The following BRIP1 variants were observed in gnomAD, a reference collection of about 807,000 sequenced individuals.
BRIP1 encodes BRCA1 interacting DNA helicase 1, also known as Fanconi anemia group J protein.
A neutral mutation model predicts 119.7 loss-of-function variants in BRIP1; 88 were observed. That is an observed-to-expected ratio of 0.74 (90% CI 0.62 to 0.88). BRIP1 has a LOEUF of 0.88. Among genes scored for constraint, BRIP1 ranks in the 40% least tolerant of loss-of-function variants. The pLI is 0.00. For synonymous variants in BRIP1, 443 were observed against 496.5 expected, an observed-to-expected ratio of 0.89 and a Z score of 1.43; for missense variants, 1,259 against 1,455.4, an observed-to-expected ratio of 0.87 and a Z score of 2.20.
At chr17:61,830,435 AG>A (rs1182528004) in intron 6 of BRIP1, among the ~76,000 whole-genome samples, 1 of 145,642 alleles carries the variant, frequency 6.9e-6, no homozygotes, top group Non-Finnish European at 1.5e-5. Flanking sequence ...TTCTAGATTA[AG>A]CAAAAAAAAG....
Position 61,824,192 on chromosome 17 carries a change from A to G in BRIP1, c.628-15435T>C, listed in dbSNP as rs566269057. ...ACAAGCCAAGGGCAGAATATCTTTT[A>G]AGTGCTGAAAGAAAGAAAATGTGAA... On this transcript the variant is annotated intron_variant, in intron 6 of 19. Coordinates refer to ENST00000259008, the MANE Select transcript of BRIP1 (RefSeq NM_032043.3). This position sits in a 1 kb window ranked among gnomAD's most constrained non-coding sequence, Gnocchi z 4.3. Among the ~76,000 whole-genome samples, 1 of 152,214 alleles carries G rather than the reference A, an allele frequency of 6.6e-6. No individual in the cohort carries two copies. Among genetic ancestry groups the G allele is most frequent in the Non-Finnish European group, 1.5e-5 (1 of 68,042 alleles).
At position 61,693,675 on chromosome 17, in the gene BRIP1, A is replaced by G. The variant is rs192441895; in HGVS notation, c.2493-163T>C. ...AGAAGCTATCCAACACAATGTAACA[A>G]ACTAGATGTATTAAAAATTCCCTAC... On this transcript the variant is annotated intron_variant, in intron 17 of 19. Transcript: ENST00000259008. This position sits in a 1 kb window ranked among gnomAD's most constrained non-coding sequence, Gnocchi z 4.2. 3.2e-4 allele frequency among the ~76,000 whole-genome samples: 49 copies of G among 152,332 alleles called. No individual in the cohort carries two copies. The highest frequency in any genetic ancestry group is 1.1e-3 in the African/African-American group (47 of 41,592).
intron 3 of BRIP1, among the ~76,000 whole-genome samples, chr17:61,859,413 C>A (rs1264045915): frequency 1.3e-5 from 2 of 152,084 alleles, no homozygotes; most frequent in East Asian, 1.9e-4. Context: ...CTCTCTGCAA[C>A]CTCGACCTCC....
rs1434360143 is a variant in BRIP1 at position 61,708,295 on chromosome 17, C to T, written c.2492+7656G>A. 2.0e-5 allele frequency among the ~76,000 whole-genome samples: 3 copies of T among 152,178 alleles called. No individual in the cohort carries two copies. The highest frequency in any genetic ancestry group is 6.5e-5 in the Admixed American group (1 of 15,268). ...TAAAAATGCATGCCCTTCTGAGTTGCATGATAAAAATCTCATGCTGTCCCA... is the reference window on the plus strand; with the variant it reads ...TAAAAATGCATGCCCTTCTGAGTTGTATGATAAAAATCTCATGCTGTCCCA... On this transcript the variant is annotated intron_variant, in intron 17 of 19. Transcript: ENST00000259008. The surrounding 1 kb of genome is among the most constrained non-coding windows in gnomAD (Gnocchi z 4.4).
At chr17:61,830,478 T>A (rs2078477651) in intron 6 of BRIP1, among the ~76,000 whole-genome samples, 1 of 151,886 alleles carries the variant, frequency 6.6e-6, no homozygotes, top group Admixed American at 6.6e-5. Flanking sequence ...ATTATGAATA[T>A]CAGAAATGAA....
chr17:61,838,955 T>A (rs2145681633), intron 6 of BRIP1, among the ~76,000 whole-genome samples: 1 of 152,182 alleles, frequency 6.6e-6, no homozygotes, highest in South Asian at 2.1e-4. Flanking sequence ...TCTTCTACTT[T>A]TCATGAAACC....
rs2061303537 is a variant in BRIP1, at chr17:61,683,520, T to C, written c.3526A>G (p.Ile1176Val). ...LAKDLFEIRT[I>V]KEVDSAREVK... ...TCTCTGGCTGAATCTACTTCTTTTA[T>C]AGTTCTAATTTCAAAAAGGTCTTTA... The change falls in exon 20 of 20, where the codon ATA becomes GTA. Residue 1176 changes from isoleucine (I) to valine (V), a missense_variant. Ile to Val is a conservative substitution (Grantham distance 29). Coordinates refer to ENST00000259008, the MANE Select transcript of BRIP1 (RefSeq NM_032043.3). This position sits in a 1 kb window ranked among gnomAD's most constrained non-coding sequence, Gnocchi z 4.7. 3 of 1,613,596 alleles carry C rather than the reference T, an allele frequency of 1.9e-6. No homozygotes were observed. The highest frequency in any genetic ancestry group is 2.5e-6 in the Non-Finnish European group (3 of 1,179,938).
At chr17:61,786,409 T>C (rs951794495) in intron 10 of BRIP1, among the ~76,000 whole-genome samples, 6 of 151,844 alleles carry the variant, frequency 4.0e-5, no homozygotes, top group African/African-American at 1.5e-4. Flanking sequence ...AAAGTGAGAA[T>C]TGGGATTGAG....
chr17:61,707,731 G>T (rs907801676), intron 17 of BRIP1, among the ~76,000 whole-genome samples: 9 of 151,914 alleles, frequency 5.9e-5, no homozygotes, highest in Admixed American at 5.2e-4. Flanking sequence ...TGGATATTAA[G>T]ATTTTTTTTT....
At chr17:61,718,974 G>A (rs1200050921) in intron 16 of BRIP1, among the ~76,000 whole-genome samples, 3 of 151,980 alleles carry the variant, frequency 2.0e-5, no homozygotes, top group Non-Finnish European at 4.4e-5. Flanking sequence ...TAGTGTTTAG[G>A]GAATAATGAC....
In BRIP1 at chr17:61,742,882, T is replaced by C; in HGVS notation, c.2379+131A>G. ...CTGAAAGACTTGCACAATGCAGGGT[T>C]ACCATAAACCTTCAATTTGTAAAAA... is the stretch of plus-strand genomic sequence containing the variant. On this transcript the variant is annotated intron_variant, in intron 16 of 19. Coordinates refer to ENST00000259008, the MANE Select transcript of BRIP1 (RefSeq NM_032043.3). The surrounding 1 kb of genome is among the most constrained non-coding windows in gnomAD (Gnocchi z 4.7). The C allele has an allele frequency of 8.6e-7, 1 of 1,160,836 alleles. No individual in the cohort carries two copies. Among genetic ancestry groups the C allele is most frequent in the South Asian group, 1.3e-5 (1 of 76,004 alleles). 71.9% of individuals were successfully genotyped at this position (1,160,836 alleles called of 1,614,324 possible).
rs2077136040 is a variant in BRIP1, at chr17:61,751,871, C to T, written c.2098-7280G>A. Among the ~76,000 whole-genome samples, 1 of 151,962 alleles carries T rather than the reference C, an allele frequency of 6.6e-6. No homozygotes were observed. The highest frequency in any genetic ancestry group is 2.4e-5 in the African/African-American group (1 of 41,370). ...GAAATCTCCGCCTCCTGAGTTCAAGCAATTCTCCTGTCCCAGCCTCCTGAG... is the reference window on the plus strand; with the variant it reads ...GAAATCTCCGCCTCCTGAGTTCAAGTAATTCTCCTGTCCCAGCCTCCTGAG... On this transcript the variant is annotated intron_variant, in intron 14 of 19. Coordinates refer to ENST00000259008, the MANE Select transcript of BRIP1 (RefSeq NM_032043.3). The surrounding 1 kb of genome is among the most constrained non-coding windows in gnomAD (Gnocchi z 6.7).
At position 61,814,870 on chromosome 17, in the gene BRIP1, T is replaced by A. The variant is rs74623868; in HGVS notation, c.628-6113A>T. On this transcript the variant is annotated intron_variant, in intron 6 of 19. Coordinates refer to ENST00000259008, the MANE Select transcript of BRIP1 (RefSeq NM_032043.3). The surrounding 1 kb of genome is among the most constrained non-coding windows in gnomAD (Gnocchi z 4.9). ...GCTCTTTCCAATCAATGGAATAATA[T>A]TATAATGAAAATATATGAATGACAG... 2.4e-3 allele frequency among the ~76,000 whole-genome samples: 359 copies of A among 152,150 alleles called. 2 individuals carry two copies. Among genetic ancestry groups the A allele is most frequent in the Middle Eastern group, 6.8e-3 (2 of 294 alleles).
In BRIP1 at chr17:61,682,420, T is replaced by C. The variant is rs1165357435; in HGVS notation, c.*876A>G. On this transcript the variant is annotated 3_prime_UTR_variant, in exon 20 of 20. Coordinates refer to ENST00000259008, the MANE Select transcript of BRIP1 (RefSeq NM_032043.3). The surrounding 1 kb of genome is among the most constrained non-coding windows in gnomAD (Gnocchi z 4.9). Reference sequence around the variant, plus strand: ...AGAATAGAAAATTTGGAATACTTCATTTGGCATTTTATATCTTTACGTCAA... The same window carrying C: ...AGAATAGAAAATTTGGAATACTTCACTTGGCATTTTATATCTTTACGTCAA... The C allele has an allele frequency of 2.0e-5, 4 of 205,090 alleles. No homozygotes were observed. The highest frequency in any genetic ancestry group is 4.0e-5 in the Non-Finnish European group (4 of 100,354). 12.7% of individuals were successfully genotyped at this position (205,090 alleles called of 1,614,324 possible).
At position 61,722,248 on chromosome 17, in the gene BRIP1, T is replaced by C. The variant is rs1382767633; in HGVS notation, c.2380-6185A>G. 6.6e-6 allele frequency among the ~76,000 whole-genome samples: 1 copy of C among 152,026 alleles called. No individual in the cohort carries two copies. The highest frequency in any genetic ancestry group is 1.5e-5 in the Non-Finnish European group (1 of 68,004). On this transcript the variant is annotated intron_variant, in intron 16 of 19. Coordinates refer to ENST00000259008, the MANE Select transcript of BRIP1 (RefSeq NM_032043.3). This position sits in a 1 kb window ranked among gnomAD's most constrained non-coding sequence, Gnocchi z 4.6. ...AGTAGAGAGGGGGGTTTCACTGTGT[T>C]AGCCAGGTGATCTTGATCTCCAGAC...
Position 61,806,375 on chromosome 17 carries a change from C to T in BRIP1, c.918+2092G>A, listed in dbSNP as rs1029272685. On this transcript the variant is annotated intron_variant, in intron 7 of 19. Transcript: ENST00000259008. The surrounding 1 kb of genome is among the most constrained non-coding windows in gnomAD (Gnocchi z 4.9). Reference sequence around the variant, plus strand: ...CAAGAAAGAGGATGTTCATGTATGCCCGTGAGGTAAGCATTCTGAGGCAGA... The same window carrying T: ...CAAGAAAGAGGATGTTCATGTATGCTCGTGAGGTAAGCATTCTGAGGCAGA... 6.6e-6 allele frequency among the ~76,000 whole-genome samples: 1 copy of T among 152,042 alleles called. No individual in the cohort carries two copies. The highest frequency in any genetic ancestry group is 2.4e-5 in the African/African-American group (1 of 41,416).
Position 61,853,846 on chromosome 17 carries a change from C to T in BRIP1, c.379+3212G>A, listed in dbSNP as rs1457595655. On this transcript the variant is annotated intron_variant, in intron 4 of 19. Transcript: ENST00000259008. This position sits in a 1 kb window ranked among gnomAD's most constrained non-coding sequence, Gnocchi z 4.3. ...GTCTCAAAATTTAACAGTAAGAACA[C>T]AAACTAATAAAAAATAGGCAATTAT... 6.6e-6 allele frequency among the ~76,000 whole-genome samples: 1 copy of T among 152,006 alleles called. No individual in the cohort carries two copies. The highest frequency in any genetic ancestry group is 1.5e-5 in the Non-Finnish European group (1 of 67,996).
Position 61,848,495 on chromosome 17 carries a change from A to G in BRIP1, c.507+634T>C, listed in dbSNP as rs373720127. Among the ~76,000 whole-genome samples the G allele has an allele frequency of 6.6e-6, 1 of 152,246 alleles. No individual in the cohort carries two copies. The highest frequency in any genetic ancestry group is 1.9e-4 in the East Asian group (1 of 5,180). On this transcript the variant is annotated intron_variant, in intron 5 of 19. Coordinates refer to ENST00000259008, the MANE Select transcript of BRIP1 (RefSeq NM_032043.3). The surrounding 1 kb of genome is among the most constrained non-coding windows in gnomAD (Gnocchi z 4.3). ...CCAGAGTGCTGGGATTACAGTCGTG[A>G]GCCACTGTATTCAGCCTAATAATTA...
At chr17:61,732,876 T>A (rs541498456) in intron 16 of BRIP1, among the ~76,000 whole-genome samples, 2 of 152,082 alleles carry the variant, frequency 1.3e-5, no homozygotes, top group South Asian at 4.1e-4. Flanking sequence ...GTGTTTTTAG[T>A]AGAGACTGGG....
Sources: allele counts gnomAD v4.1 joint callset (sites outside exome capture counted in the v4.1 genomes callset), GRCh38; gene constraint gnomAD v4.1.1; non-coding constraint Gnocchi (gnomAD v3.1); transcripts MANE v1.5; gene names NCBI Gene and HGNC (gene_info 2026-07-23, HGNC 2026-07-21).